Variants in TMEM131L observed in about 807,000 individuals in gnomAD.
TMEM131L encodes transmembrane 131 like.
A neutral mutation model predicts 192.2 loss-of-function variants in TMEM131L; 54 were observed. The ratio of observed to expected loss-of-function variants is 0.28; its 90% CI spans 0.23 to 0.35. The LOEUF (loss-of-function observed/expected upper bound fraction) is 0.35, where lower values mean the gene tolerates loss of function less well. TMEM131L is among the 10% of genes least tolerant of loss of function. The probability of loss-of-function intolerance (pLI) is 1.00; values close to 1 mark genes in which losing one functional copy is unlikely to be tolerated. For synonymous variants in TMEM131L, 701 were observed against 704.9 expected, an observed-to-expected ratio of 0.99 and a Z score of 0.09; for missense variants, 1,888 against 1,972.9, an observed-to-expected ratio of 0.96 and a Z score of 0.82.
chr4:153,473,513 G>T (rs1731301596), intron 2 of TMEM131L, among the ~76,000 whole-genome samples: 1 of 152,140 alleles, frequency 6.6e-6, no homozygotes, highest in Non-Finnish European at 1.5e-5. Context: ...CCCAGGGGTG[G>T]CCGGGCACAG....
chr4:153,625,596 A>G (rs757142319), intron 29 of TMEM131L, among the ~76,000 whole-genome samples: 6 of 152,176 alleles, frequency 3.9e-5, no homozygotes, highest in Non-Finnish European at 8.8e-5. Context: ...AACAAAAGAC[A>G]ATGTATATGT....
At chr4:153,550,569 G>A (rs1025446521) in intron 4 of TMEM131L, among the ~76,000 whole-genome samples, 31 of 152,108 alleles carry the variant, frequency 2.0e-4, no homozygotes, top group South Asian at 4.1e-4. Flanking sequence ...TTCGTGATCC[G>A]CCCGCCTCGG....
Position 153,584,905 on chromosome 4 carries a change from A to T in TMEM131L, c.1131A>T (p.Ala377=). The change falls in exon 12 of 35, where the codon GCA becomes GCT. Residue 377 remains alanine, a synonymous_variant. Coordinates refer to ENST00000409959, the MANE Select transcript of TMEM131L (RefSeq NM_001131007.2). ...KKTTHTPTLK[A]CLFSSVAQGY... ...CAACACACACTCCAACACTAAAAGC[A>T]TGCCTCTTCTCTTCTGTGGCTCAGG... 1 of 1,613,938 alleles carries T rather than the reference A, an allele frequency of 6.2e-7. No homozygotes were observed. The highest frequency in any genetic ancestry group is 8.5e-7 in the Non-Finnish European group (1 of 1,179,792).
intron 11 of TMEM131L, 44 bp downstream of exon 11, chr4:153,583,716 G>A (rs746691251): frequency 5.6e-5 from 64 of 1,152,458 alleles, no homozygotes; most frequent in Middle Eastern, 2.0e-4. Flanking sequence ...TTGTTATCTG[G>A]TTGTCATGAT....
chr4:153,611,513 G>A (rs1732611589), intron 25 of TMEM131L, among the ~76,000 whole-genome samples: 1 of 152,130 alleles, frequency 6.6e-6, no homozygotes, highest in Non-Finnish European at 1.5e-5. Flanking sequence ...CAAATGCAGT[G>A]GCATTAAGTA....
At chr4:153,533,138 T>C (rs1165595036) in intron 3 of TMEM131L, among the ~76,000 whole-genome samples, 2 of 152,016 alleles carry the variant, frequency 1.3e-5, no homozygotes, top group Admixed American at 1.3e-4. Context: ...AGGCATGCAC[T>C]ACCACACCCG....
chr4:153,561,861 C>T (rs537092898), intron 7 of TMEM131L, among the ~76,000 whole-genome samples: 4 of 151,964 alleles, frequency 2.6e-5, no homozygotes, highest in Non-Finnish European at 5.9e-5. Flanking sequence ...AGTGTCCCTA[C>T]TCTTGTGGTG....
intron 3 of TMEM131L, among the ~76,000 whole-genome samples, chr4:153,474,311 A>G (rs1256585994): frequency 6.6e-6 from 1 of 152,218 alleles, no homozygotes; most frequent in Non-Finnish European, 1.5e-5. Flanking sequence ...AGTTTCCTGT[A>G]GTAGAGAATA....
intron 2 of TMEM131L, among the ~76,000 whole-genome samples, chr4:153,469,314 G>GACACACAC (rs201245535): frequency 0.033 from 4,925 of 148,782 alleles, 103 homozygotes; most frequent in South Asian, 0.085. Context: ...GGGTAAGGGA[G>GACACACAC]ACACACACAC....
intron 15 of TMEM131L, among the ~76,000 whole-genome samples, chr4:153,588,017 C>T (rs1356820966): frequency 7.0e-6 from 1 of 143,742 alleles, no homozygotes; most frequent in Non-Finnish European, 1.5e-5. Context: ...CCTTTATTAT[C>T]TAGTAGCTTG....
intron 3 of TMEM131L, among the ~76,000 whole-genome samples, chr4:153,527,314 C>T (rs1270417388): frequency 6.6e-6 from 1 of 150,936 alleles, no homozygotes; most frequent in African/African-American, 2.5e-5. Flanking sequence ...ATTCTGTTGC[C>T]CAGGCTGTAG....
At chr4:153,523,338 T>G (rs1175273155) in intron 3 of TMEM131L, among the ~76,000 whole-genome samples, 1 of 152,222 alleles carries the variant, frequency 6.6e-6, no homozygotes, top group Non-Finnish European at 1.5e-5. Flanking sequence ...TGAATGGAAT[T>G]CCTTCTATAA....
At chr4:153,617,666 A>G (rs1328461186) in intron 26 of TMEM131L, among the ~76,000 whole-genome samples, 1 of 152,230 alleles carries the variant, frequency 6.6e-6, no homozygotes, top group Admixed American at 6.5e-5. Flanking sequence ...TGTCTAACCT[A>G]GTTCTGCTTC....
intron 3 of TMEM131L, among the ~76,000 whole-genome samples, chr4:153,479,316 G>A (rs1731759731): frequency 6.6e-6 from 1 of 152,200 alleles, no homozygotes; most frequent in Non-Finnish European, 1.5e-5. Flanking sequence ...TTTGAGAAAT[G>A]TTCTTCCCTC....
rs1730690278 is a variant in TMEM131L, at chr4:153,586,227, C to T, written c.1330C>T (p.Pro444Ser). 7 of 1,570,102 alleles carry T rather than the reference C, an allele frequency of 4.5e-6. No individual in the cohort carries two copies. Among genetic ancestry groups the T allele is most frequent in the Non-Finnish European group, 4.3e-6 (5 of 1,164,806 alleles). Residue 444 changes from proline (P) to serine (S), a missense_variant, in exon 14 of 35, where the codon CCT becomes TCT. Pro to Ser is a moderately conservative substitution (Grantham distance 74, BLOSUM62 -1). Coordinates refer to ENST00000409959, the MANE Select transcript of TMEM131L (RefSeq NM_001131007.2). ...TTTTTAGATTCTGAATTTCACTGGC[C>T]CTTTATTTCTACCTCCAGGCTGTTG... ...HMLKILNFTG[P>S]LFLPPGCWNI...
At chr4:153,468,085 C>A (rs1176091465) in intron 2 of TMEM131L, among the ~76,000 whole-genome samples, 1 of 152,104 alleles carries the variant, frequency 6.6e-6, no homozygotes, top group Non-Finnish European at 1.5e-5. Flanking sequence ...TTAAGATGTT[C>A]ATTACTTCCC....
intron 3 of TMEM131L, among the ~76,000 whole-genome samples, chr4:153,525,320 C>T (rs559685712): frequency 3.9e-5 from 6 of 152,302 alleles, no homozygotes; most frequent in Admixed American, 2.6e-4. Flanking sequence ...TTAACAGCCT[C>T]ATAAGTAAAT....
Position 153,510,457 on chromosome 4 carries a change from A to G in TMEM131L, c.239+36569A>G, listed in dbSNP as rs560277924. The stretch of plus-strand genomic sequence containing the variant: ...GATTACCATTCTTTAAAGGGAAGAC[A>G]TACCTTTCACCTACCCCTTATCAGA... On this transcript the variant is annotated intron_variant, in intron 3 of 34. Transcript: ENST00000409959. Among the ~76,000 whole-genome samples the G allele has an allele frequency of 1.1e-4, 16 of 152,302 alleles. No individual in the cohort carries two copies. The South Asian group carries it at 3.1e-3, about 30-fold the overall frequency.
At chr4:153,524,669 C>T (rs1245564115) in intron 3 of TMEM131L, among the ~76,000 whole-genome samples, 1 of 152,202 alleles carries the variant, frequency 6.6e-6, no homozygotes, top group African/African-American at 2.4e-5. Context: ...TAACCAGATC[C>T]TTGACTTTGG....
Sources: allele counts gnomAD v4.1 joint callset (sites outside exome capture counted in the v4.1 genomes callset), GRCh38; gene constraint gnomAD v4.1.1; transcripts MANE v1.5; gene names NCBI Gene and HGNC (gene_info 2026-07-23, HGNC 2026-07-21).